The following LSAMP variants were observed in gnomAD, a reference collection of about 807,000 sequenced individuals.
LSAMP encodes limbic system-associated membrane protein.
A neutral mutation model predicts 38.6 loss-of-function variants in LSAMP; 7 were observed. That is an observed-to-expected ratio of 0.18 (90% CI 0.10 to 0.34). The LOEUF (loss-of-function observed/expected upper bound fraction) is 0.34, where lower values mean the gene tolerates loss of function less well. Among genes scored for constraint, LSAMP ranks in the 10% least tolerant of loss-of-function variants. The pLI is 1.00. For missense variants in LSAMP, 313 were observed against 420.0 expected, an observed-to-expected ratio of 0.75 and a Z score of 2.23; for synonymous variants, 154 against 166.8, an observed-to-expected ratio of 0.92 and a Z score of 0.59.
At chr3:116,103,599 T>G (rs1708398143) in intron 1 of LSAMP, among the ~76,000 whole-genome samples, 2 of 146,030 alleles carry the variant, frequency 1.4e-5, no homozygotes, top group African/African-American at 5.4e-5. Context: ...TTTGAGGACA[T>G]GAGTCAATGT....
At chr3:115,908,237 A>G (rs1937057618) in intron 3 of LSAMP, among the ~76,000 whole-genome samples, 1 of 152,110 alleles carries the variant, frequency 6.6e-6, no homozygotes, top group African/African-American at 2.4e-5. Flanking sequence ...TTATATATAT[A>G]TAAGTGGAAA....
intron 1 of LSAMP, among the ~76,000 whole-genome samples, chr3:116,397,848 C>T (rs150269231): frequency 6.6e-6 from 1 of 152,036 alleles, no homozygotes; most frequent in Non-Finnish European, 1.5e-5. Context: ...CAAGCTCAAG[C>T]CATTGGTTAC....
chr3:116,410,331 A>G (rs1165404138), intron 1 of LSAMP, among the ~76,000 whole-genome samples: 1 of 152,022 alleles, frequency 6.6e-6, no homozygotes, highest in African/African-American at 2.4e-5. Context: ...ATTTTTGAAC[A>G]AAACCTCCAG....
At chr3:115,815,128 A>G (rs1382005343) in intron 6 of LSAMP, among the ~76,000 whole-genome samples, 1 of 152,212 alleles carries the variant, frequency 6.6e-6, no homozygotes, top group African/African-American at 2.4e-5. Context: ...CATACAGTAC[A>G]ATAAGATGTT....
chr3:115,916,302 A>G (rs1937249999), intron 3 of LSAMP, among the ~76,000 whole-genome samples: 1 of 152,212 alleles, frequency 6.6e-6, no homozygotes, highest in African/African-American at 2.4e-5. Flanking sequence ...AGCAGCCAAG[A>G]TAAAAACAGA....
chr3:116,330,131 T>C (rs1275991092), intron 1 of LSAMP, among the ~76,000 whole-genome samples: 3 of 152,182 alleles, frequency 2.0e-5, no homozygotes, highest in African/African-American at 7.2e-5. Flanking sequence ...AACAGGAATA[T>C]GTTTCCTCAT....
At chr3:116,102,843 A>G (rs1708378632) in intron 1 of LSAMP, among the ~76,000 whole-genome samples, 2 of 151,794 alleles carry the variant, frequency 1.3e-5, no homozygotes, top group African/African-American at 4.9e-5. Context: ...AAATCAGACT[A>G]ATACAGTAAG....
intron 2 of LSAMP, among the ~76,000 whole-genome samples, chr3:116,049,548 T>TA (rs1941353984): frequency 6.6e-6 from 1 of 152,226 alleles, no homozygotes; most frequent in African/African-American, 2.4e-5. Flanking sequence ...GGTGGTTACT[T>TA]ACATAATATG....
At chr3:116,043,999 T>C (rs1182634072) in intron 2 of LSAMP, among the ~76,000 whole-genome samples, 2 of 152,200 alleles carry the variant, frequency 1.3e-5, no homozygotes, top group African/African-American at 4.8e-5. Flanking sequence ...TTTCCACTTA[T>C]GCTTTCAAAA....
intron 3 of LSAMP, among the ~76,000 whole-genome samples, chr3:115,853,578 G>C (rs1470318444): frequency 6.6e-6 from 1 of 152,136 alleles, no homozygotes; most frequent in Non-Finnish European, 1.5e-5. Flanking sequence ...GATGGAGAGA[G>C]AAATAAGGAA....
intron 1 of LSAMP, among the ~76,000 whole-genome samples, chr3:116,213,968 C>G (rs2046191228): frequency 6.6e-6 from 1 of 152,166 alleles, no homozygotes; most frequent in African/African-American, 2.4e-5. Flanking sequence ...TGAACCAGCT[C>G]TAGACATCTG....
At chr3:116,331,181 T>A (rs2047847391) in intron 1 of LSAMP, among the ~76,000 whole-genome samples, 1 of 151,918 alleles carries the variant, frequency 6.6e-6, no homozygotes, top group Admixed American at 6.6e-5. Flanking sequence ...AAGTTGAAGA[T>A]GGGAAAATAG....
chr3:116,008,100 T>C (rs1031579548), intron 3 of LSAMP, among the ~76,000 whole-genome samples: 5 of 152,214 alleles, frequency 3.3e-5, no homozygotes. Context: ...GTAATTTAAG[T>C]CTTTATTGTG....
chr3:116,217,255 G>T (rs1037698067), intron 1 of LSAMP, among the ~76,000 whole-genome samples: 1 of 152,168 alleles, frequency 6.6e-6, no homozygotes, highest in Admixed American at 6.5e-5. Flanking sequence ...CACCAAGCCT[G>T]TAGAGCTCAA....
chr3:116,347,415 G>A (rs2048078446), intron 1 of LSAMP, among the ~76,000 whole-genome samples: 1 of 152,106 alleles, frequency 6.6e-6, no homozygotes. Context: ...CATTTAACAT[G>A]GTCAGGCAGC....
chr3:116,184,459 T>C (rs1325822244), intron 1 of LSAMP, among the ~76,000 whole-genome samples: 2 of 152,000 alleles, frequency 1.3e-5, no homozygotes, highest in Non-Finnish European at 2.9e-5. Flanking sequence ...GGAATCTATA[T>C]GACCAGGTAA....
chr3:116,276,684 G>GAAAAAAAAAAAAAAAAA (rs200897808), intron 1 of LSAMP, among the ~76,000 whole-genome samples: 5 of 106,798 alleles, frequency 4.7e-5, no homozygotes, highest in Non-Finnish European at 4.1e-5. Context: ...TAAAAAAAAA[G>GAAAAAAAAAAAAAAAAA]AAAAAAAAAA....
intron 1 of LSAMP, among the ~76,000 whole-genome samples, chr3:116,242,333 A>T (rs1052033228): frequency 6.6e-6 from 1 of 152,198 alleles, no homozygotes; most frequent in Admixed American, 6.5e-5. Flanking sequence ...AACAGCCAAA[A>T]TAGTTTAAAA....
At chr3:116,435,711 A>G (rs534638445) in intron 1 of LSAMP, among the ~76,000 whole-genome samples, 5 of 152,092 alleles carry the variant, frequency 3.3e-5, no homozygotes, top group Admixed American at 2.0e-4. Context: ...CTATTGGGGG[A>G]AAAAAGTTCT....
Sources: gnomAD v4.1 joint callset for allele counts (sites outside exome capture counted in the v4.1 genomes callset) on GRCh38, gnomAD v4.1.1 for gene constraint, MANE v1.5 for transcripts, NCBI Gene and HGNC (gene_info 2026-07-23, HGNC 2026-07-21) for gene names.